Variants in CNTNAP2 observed in about 807,000 individuals in gnomAD.
CNTNAP2 encodes the protein contactin-associated protein-like 2.
In CNTNAP2, 98 loss-of-function variants were observed where a neutral mutation model predicts 155.2. That is an observed-to-expected ratio of 0.63 (90% confidence interval 0.54 to 0.75). The LOEUF is 0.75. Among genes scored for constraint, CNTNAP2 ranks in the 30% least tolerant of loss-of-function variants. CNTNAP2 has a pLI of 0.00. For synonymous variants in CNTNAP2, 651 were observed against 631.2 expected, an observed-to-expected ratio of 1.03 and a Z score of -0.47; for missense variants, 1,727 against 1,688.1, an observed-to-expected ratio of 1.02 and a Z score of -0.40.
At chr7:147,374,373 A>C (rs1796399530) in intron 9 of CNTNAP2, among the ~76,000 whole-genome samples, 1 of 151,900 alleles carries the variant, frequency 6.6e-6, no homozygotes, top group Non-Finnish European at 1.5e-5. Context: ...GCCTCTTTAG[A>C]TATTTGTATT....
intron 9 of CNTNAP2, among the ~76,000 whole-genome samples, chr7:147,340,961 G>T (rs1795751125): frequency 6.6e-6 from 1 of 151,900 alleles, no homozygotes; most frequent in Non-Finnish European, 1.5e-5. Context: ...ACCGCTAGAT[G>T]CTCCTCCCTC....
intron 6 of CNTNAP2, chr7:147,121,750 A>G (rs1340526226): frequency 6.6e-6 from 1 of 152,498 alleles, no homozygotes; most frequent in African/African-American, 2.4e-5. Context: ...ATAATCAATG[A>G]TCACGTTTAT....
intron 8 of CNTNAP2, among the ~76,000 whole-genome samples, chr7:147,297,080 A>C (rs1026902965): frequency 2.6e-5 from 4 of 152,192 alleles, no homozygotes; most frequent in African/African-American, 9.6e-5. Context: ...ATTAAACTTA[A>C]CAAAAAAAAT....
chr7:147,544,840 T>C (rs891638907), intron 11 of CNTNAP2, among the ~76,000 whole-genome samples: 3 of 152,176 alleles, frequency 2.0e-5, no homozygotes. Context: ...TGCTTGGCTC[T>C]CATTCTCTCT....
intron 1 of CNTNAP2, among the ~76,000 whole-genome samples, chr7:146,145,081 C>T (rs1797938646): frequency 6.6e-6 from 1 of 152,136 alleles, no homozygotes; most frequent in East Asian, 1.9e-4. Context: ...CAGACAGTGA[C>T]TCTGCAAAAT....
At chr7:147,031,925 G>C (rs909418750) in intron 3 of CNTNAP2, among the ~76,000 whole-genome samples, 2 of 152,058 alleles carry the variant, frequency 1.3e-5, no homozygotes, top group African/African-American at 2.4e-5. Flanking sequence ...CAAAACAAAA[G>C]GCAAAATTAA....
At chr7:147,661,052 T>C (rs556877168) in intron 13 of CNTNAP2, among the ~76,000 whole-genome samples, 1 of 152,254 alleles carries the variant, frequency 6.6e-6, no homozygotes, top group Non-Finnish European at 1.5e-5. Flanking sequence ...GTCCTGCCTA[T>C]GGCTATTGAA....
chr7:146,663,841 AATTTTTTATTTATTC>A (rs1452606074), intron 1 of CNTNAP2, among the ~76,000 whole-genome samples: 2 of 151,622 alleles, frequency 1.3e-5, no homozygotes, highest in Non-Finnish European at 2.9e-5. Flanking sequence ...TATATGCCCC[AATTTTTTATTTATTC>A]ATTTATTTAT....
intron 12 of CNTNAP2, among the ~76,000 whole-genome samples, chr7:147,607,970 A>G (rs1801104694): frequency 6.6e-6 from 1 of 152,172 alleles, no homozygotes; most frequent in Non-Finnish European, 1.5e-5. Flanking sequence ...GGTGCCTGAA[A>G]ATGAACGTTT....
At chr7:147,369,026 TA>T (rs1346483321) in intron 9 of CNTNAP2, among the ~76,000 whole-genome samples, 22 of 152,170 alleles carry the variant, frequency 1.4e-4, no homozygotes, top group African/African-American at 5.1e-4. Context: ...AGGTCACAAG[TA>T]GTAACTTGCT....
chr7:148,383,055 G>T (rs1799103112), intron 21 of CNTNAP2, among the ~76,000 whole-genome samples: 1 of 152,198 alleles, frequency 6.6e-6, no homozygotes, highest in Non-Finnish European at 1.5e-5. Flanking sequence ...GTGATTGATT[G>T]GGTTGGGAAA....
intron 13 of CNTNAP2, among the ~76,000 whole-genome samples, chr7:147,761,302 A>T (rs1404017607): frequency 6.6e-6 from 1 of 152,078 alleles, no homozygotes; most frequent in Admixed American, 6.5e-5. Flanking sequence ...TCCAATCAAG[A>T]TTTTCTGTTC....
At chr7:148,184,635 A>G (rs1383112602) in intron 18 of CNTNAP2, among the ~76,000 whole-genome samples, 1 of 152,266 alleles carries the variant, frequency 6.6e-6, no homozygotes, top group Non-Finnish European at 1.5e-5. Flanking sequence ...ATTTATGACC[A>G]GAAACACAGA....
At chr7:146,636,332 G>A (rs17170206) in intron 1 of CNTNAP2, among the ~76,000 whole-genome samples, 5 of 151,912 alleles carry the variant, frequency 3.3e-5, no homozygotes, top group Admixed American at 6.6e-5. Flanking sequence ...TTTAACTTAC[G>A]AATTTTTAAA....
intron 2 of CNTNAP2, among the ~76,000 whole-genome samples, chr7:146,800,798 A>G (rs1802862257): frequency 6.6e-6 from 1 of 152,108 alleles, no homozygotes; most frequent in Non-Finnish European, 1.5e-5. Context: ...ATAATCTCCC[A>G]TAGGATTTAC....
At chr7:147,662,999 G>A (rs889956548) in intron 13 of CNTNAP2, among the ~76,000 whole-genome samples, 1 of 152,066 alleles carries the variant, frequency 6.6e-6, no homozygotes, top group Non-Finnish European at 1.5e-5. Flanking sequence ...TTGTTTGTTT[G>A]TTTGTTTGTT....
intron 13 of CNTNAP2, among the ~76,000 whole-genome samples, chr7:147,839,799 T>C (rs1798696349): frequency 6.6e-6 from 1 of 152,162 alleles, no homozygotes; most frequent in Admixed American, 6.5e-5. Flanking sequence ...TGTATGCTTA[T>C]TGCAGCACTA....
intron 1 of CNTNAP2, among the ~76,000 whole-genome samples, chr7:146,396,961 A>G (rs563948295): frequency 1.3e-5 from 2 of 152,310 alleles, no homozygotes; most frequent in East Asian, 3.9e-4. Flanking sequence ...TTTACTTTTT[A>G]GAAGCTTATA....
intron 1 of CNTNAP2, chr7:146,311,681 GAAAAGAAGAAAAGAAAGAAAT>G (rs1800826400): frequency 7.0e-6 from 1 of 142,926 alleles, no homozygotes; most frequent in Non-Finnish European, 1.5e-5. Flanking sequence ...GAAAGAGAAA[GAAAAGAAGAAAAGAAAGAAAT>G]AAAGAAAGAA....
Sources: allele counts gnomAD v4.1 joint callset (sites outside exome capture counted in the v4.1 genomes callset), GRCh38; gene constraint gnomAD v4.1.1; transcripts MANE v1.5; gene names NCBI Gene and HGNC (gene_info 2026-07-23, HGNC 2026-07-21).